The following NUP155 variants were observed in gnomAD, a reference collection of about 807,000 sequenced individuals.
The protein encoded by NUP155 is nucleoporin 155, also known as nuclear pore complex protein Nup155.
Under a neutral mutation model 180.4 loss-of-function variants are expected in NUP155, and 71 were observed. The ratio of observed to expected loss-of-function variants is 0.39; its 90% CI spans 0.33 to 0.48. The LOEUF is 0.48. Among genes scored for constraint, NUP155 ranks in the 20% least tolerant of loss-of-function variants. NUP155 has a pLI of 0.91. For synonymous variants in NUP155, 582 were observed against 559.5 expected (o/e 1.04, Z -0.57); for missense variants, 1,553 against 1,648.9 (o/e 0.94, Z 1.01).
Position 37,358,141 on chromosome 5 carries a change from C to A in NUP155, c.403G>T (p.Ala135Ser). 1 of 1,612,188 alleles carries A rather than the reference C, an allele frequency of 6.2e-7. No homozygotes were observed. Among genetic ancestry groups the A allele is most frequent in the Non-Finnish European group, 8.5e-7 (1 of 1,178,320 alleles). The change falls in exon 4 of 35, where the codon GCC (alanine) becomes TCC (serine). Residue 135 changes from alanine to serine, a missense_variant. By Grantham distance (99) the Ala-to-Ser change is moderately conservative. Transcript: ENST00000231498. The part of the protein sequence containing the change: ...MWNYEDGGDL[A>S]YFDGLSETIL... ...GTCTCACTAAGTCCATCAAAATAGG[C>A]AAGGTCTCCTCTGTGAATAAATGAA...
At chr5:37,298,711 C>T (rs922205662) in intron 32 of NUP155, among the ~76,000 whole-genome samples, 157 bp downstream of exon 32, 1 of 152,194 alleles carries the variant, frequency 6.6e-6, no homozygotes, top group African/African-American at 2.4e-5. Context: ...CAAATTCTGC[C>T]ATTCTTTGGA....
chr5:37,310,715 G>A lies in NUP155; in HGVS notation c.2465C>T (p.Thr822Ile). ...KELQEQLKIT[T>I]FKDLVIRDKE... is the part of the protein sequence containing the mutation. ...GTCCCTGATTACAAGATCTTTAAAG[G>A]TGGTGATCTTCAGCTGCTCTTGAAG... is the stretch of plus-strand genomic sequence containing the variant. The change falls in exon 23 of 35, where the codon ACC becomes ATC. Residue 822 changes from threonine to isoleucine, a missense_variant. By Grantham distance (89) the Thr-to-Ile change is moderately conservative. Transcript: ENST00000231498. 1.2e-6 allele frequency: 2 copies of A among 1,613,680 alleles called. No homozygotes were observed. The highest frequency in any genetic ancestry group is 1.7e-6 in the Non-Finnish European group (2 of 1,179,788).
intron 4 of NUP155, among the ~76,000 whole-genome samples, chr5:37,354,621 G>A (rs1746693167): frequency 6.6e-6 from 1 of 150,994 alleles, no homozygotes; most frequent in African/African-American, 2.4e-5. Context: ...ACCATGCCTG[G>A]CTTATGTTTC....
At chr5:37,363,500 A>C (rs1747350201) in intron 3 of NUP155, among the ~76,000 whole-genome samples, 1 of 152,222 alleles carries the variant, frequency 6.6e-6, no homozygotes, top group African/African-American at 2.4e-5. Context: ...TGACAACAAA[A>C]TAAATAAATA....
chr5:37,336,563 A>G (rs772095501), intron 12 of NUP155, among the ~76,000 whole-genome samples: 7 of 152,168 alleles, frequency 4.6e-5, no homozygotes, highest in Non-Finnish European at 7.4e-5. Flanking sequence ...AGGTACGATT[A>G]TAACTATTAT....
chr5:37,304,701 A>C (rs1743056610), intron 27 of NUP155, 38 bp downstream of exon 27: 1 of 1,365,990 alleles, frequency 7.3e-7, no homozygotes, highest in Non-Finnish European at 1.0e-6. Context: ...TATGCTCCTT[A>C]AGAATAATTA....
At chr5:37,318,852 C>A (rs1744072472) in intron 20 of NUP155, among the ~76,000 whole-genome samples, 1 of 152,058 alleles carries the variant, frequency 6.6e-6, no homozygotes, top group Non-Finnish European at 1.5e-5. Context: ...AAAAAAATTT[C>A]AAAGTAAACA....
At chr5:37,319,904 T>A (rs1744133889) in intron 20 of NUP155, among the ~76,000 whole-genome samples, 1 of 151,694 alleles carries the variant, frequency 6.6e-6, no homozygotes. Flanking sequence ...CAAGTAAGGG[T>A]GGATGCAGTG....
At chr5:37,304,869 T>G in intron 26 of NUP155, 26 bp from the exon 27 acceptor site, 1 of 1,597,916 alleles carries the variant, frequency 6.3e-7, no homozygotes, top group Non-Finnish European at 8.6e-7. Flanking sequence ...TAGTAAAAAT[T>G]AGCAGTTAAA....
At chr5:37,324,585 G>A (rs558101134) in intron 19 of NUP155, among the ~76,000 whole-genome samples, 11 of 151,314 alleles carry the variant, frequency 7.3e-5, no homozygotes, top group South Asian at 4.2e-4. Context: ...GAGAGACAGC[G>A]TCTTGTTGTT....
intron 32 of NUP155, among the ~76,000 whole-genome samples, chr5:37,296,154 C>T (rs1281109041): frequency 1.3e-5 from 2 of 152,172 alleles, no homozygotes; most frequent in African/African-American, 4.8e-5. Context: ...CTCTGCCCGG[C>T]CACCACCCCA....
intron 20 of NUP155, among the ~76,000 whole-genome samples, chr5:37,322,662 G>A (rs1218845455): frequency 1.4e-5 from 2 of 147,858 alleles, no homozygotes; most frequent in East Asian, 2.0e-4. Flanking sequence ...AGCTGAGACC[G>A]CACCACTGCA....
Position 37,297,503 on chromosome 5 carries a change from C to T in NUP155, c.3793+1365G>A, listed in dbSNP as rs969081753. On this transcript the variant is annotated intron_variant, in intron 32 of 34. Coordinates refer to ENST00000231498, the MANE Select transcript of NUP155 (RefSeq NM_153485.3). ...AAGTGATCCTCCCACCATAGCCTCCCGAGTAGCTGGAACCACAGGCGCATG... is the reference window on the plus strand; with the variant it reads ...AAGTGATCCTCCCACCATAGCCTCCTGAGTAGCTGGAACCACAGGCGCATG... 6.6e-5 allele frequency among the ~76,000 whole-genome samples: 10 copies of T among 152,124 alleles called. No individual in the cohort carries two copies. The South Asian group carries it at 1.2e-3, about 19-fold the overall frequency.
chr5:37,335,050 C>T (rs992987013), intron 12 of NUP155, among the ~76,000 whole-genome samples: 1 of 151,234 alleles, frequency 6.6e-6, no homozygotes. Flanking sequence ...CCCAGCTACT[C>T]TGGATGCTGA....
chr5:37,333,572 T>A lies in NUP155; in HGVS notation c.1409A>T (p.Asp470Val). ...ALSAIDELKV[D>V]KIITPLNKDH... ...CTTGTTTAAAGGTGTAATTATTTTA[T>A]CTACTTTCAATTCATCTATCGCAGA... Residue 470 changes from aspartate to valine, a missense_variant, in exon 13 of 35, where the codon GAT (aspartate) becomes GTT (valine). Asp to Val is a radical substitution (Grantham distance 152, BLOSUM62 -3). Transcript: ENST00000231498. The A allele has an allele frequency of 6.2e-7, 1 of 1,613,794 alleles. No individual in the cohort carries two copies. Among genetic ancestry groups the A allele is most frequent in the Non-Finnish European group, 8.5e-7 (1 of 1,179,690 alleles).
At chr5:37,302,755 C>T in intron 29 of NUP155, 24 bp downstream of exon 29, 1 of 1,612,756 alleles carries the variant, frequency 6.2e-7, no homozygotes, top group Non-Finnish European at 8.5e-7. Context: ...AATGTGGACA[C>T]AGCTTAAGAT....
At position 37,342,466 on chromosome 5, in the gene NUP155, A is replaced by G. The variant is rs1745788719; in HGVS notation, c.1093+83T>C. The G allele has an allele frequency of 4.7e-6, 4 of 845,238 alleles. 1 individual carries two copies. The highest frequency in any genetic ancestry group is 2.7e-5 in the East Asian group (1 of 37,486). 52.4% of individuals were successfully genotyped at this position (845,238 alleles called of 1,614,324 possible). On this transcript the variant is annotated intron_variant, in intron 10 of 34. Transcript: ENST00000231498. Reference sequence around the variant, plus strand: ...TTACGGCAGATATAGAAGGAAAAATATATTTCTAATAATAAATTTCCAAAT... The same window carrying G: ...TTACGGCAGATATAGAAGGAAAAATGTATTTCTAATAATAAATTTCCAAAT...
At position 37,299,479 on chromosome 5, in the gene NUP155, C is replaced by T. The variant is rs562717322; in HGVS notation, c.3651G>A (p.Val1217=). ...HCAGYSDPIL[V]QTLWQDIIEK... ...CTATGATATCTTGCCAAAGTGTCTG[C>T]ACCAATATAGGGTCTGAATAACCGG... The change falls in exon 31 of 35, where the codon GTG becomes GTA. Residue 1217 remains valine (V), a synonymous_variant. Transcript: ENST00000231498. 5 of 1,614,086 alleles carry T rather than the reference C, an allele frequency of 3.1e-6. No individual in the cohort carries two copies. Among genetic ancestry groups the T allele is most frequent in the African/African-American group, 1.3e-5 (1 of 75,032 alleles).
At chr5:37,299,187 C>G (rs1742737492) in intron 31 of NUP155, among the ~76,000 whole-genome samples, 1 of 152,160 alleles carries the variant, frequency 6.6e-6, no homozygotes, top group Admixed American at 6.6e-5. Context: ...AGGTGAGTGT[C>G]TCAGTATCTT....
Sources: allele counts gnomAD v4.1 joint callset (sites outside exome capture counted in the v4.1 genomes callset), GRCh38; gene constraint gnomAD v4.1.1; transcripts MANE v1.5; gene names NCBI Gene and HGNC (gene_info 2026-07-23, HGNC 2026-07-21).